ABCD2: variants seen among roughly 807,000 people sequenced by gnomAD.
ABCD2 encodes ATP-binding cassette sub-family D member 2.
In ABCD2, 36 loss-of-function variants were observed where a neutral mutation model predicts 70.9. That is an observed-to-expected ratio of 0.51 (90% confidence interval 0.39 to 0.67). The LOEUF (loss-of-function observed/expected upper bound fraction) is 0.67, where lower values mean the gene tolerates loss of function less well. Ranked by LOEUF, ABCD2 falls within the 30% of genes least tolerant of loss-of-function variation. The probability of loss-of-function intolerance (pLI) is 0.00; values close to 1 mark genes in which losing one functional copy is unlikely to be tolerated. For synonymous variants in ABCD2, 304 were observed against 306.9 expected, an observed-to-expected ratio of 0.99 and a Z score of 0.10; for missense variants, 729 against 890.2, an observed-to-expected ratio of 0.82 and a Z score of 2.30.
downstream of ABCD2, among the ~76,000 whole-genome samples, chr12:39,547,093 C>T (rs1591958538): frequency 6.6e-6 from 1 of 151,888 alleles, no homozygotes; most frequent in Non-Finnish European, 1.5e-5. Context: ...AAAGGATGCT[C>T]AATATCACTA....
chr12:39,590,196 A>C (rs1483861255), intron 6 of ABCD2, among the ~76,000 whole-genome samples: 4 of 152,210 alleles, frequency 2.6e-5, no homozygotes, highest in Non-Finnish European at 5.9e-5. Context: ...ATAGATAAGC[A>C]CTCAAAGTAC....
At chr12:39,602,924 T>G (rs1197069370) in intron 5 of ABCD2, among the ~76,000 whole-genome samples, 2 of 152,172 alleles carry the variant, frequency 1.3e-5, no homozygotes, top group Non-Finnish European at 2.9e-5. Context: ...TTAAATACTC[T>G]GTGTATGCCA....
chr12:39,617,961 A>C (rs1942139655), intron 1 of ABCD2, among the ~76,000 whole-genome samples: 1 of 151,478 alleles, frequency 6.6e-6, no homozygotes, highest in African/African-American at 2.4e-5. Flanking sequence ...AATGTTGAAA[A>C]TCTTTAATAA....
intron 9 of ABCD2, among the ~76,000 whole-genome samples, chr12:39,564,153 T>C (rs1424984643): frequency 2.6e-5 from 4 of 152,352 alleles, no homozygotes; most frequent in Non-Finnish European, 5.9e-5. Flanking sequence ...AGTAATGGGA[T>C]GGCTGGGTCA....
intron 6 of ABCD2, among the ~76,000 whole-genome samples, chr12:39,587,417 A>ATGTC (rs111657596): frequency 3.8e-4 from 58 of 152,328 alleles, no homozygotes; most frequent in African/African-American, 1.3e-3. Context: ...ATTATGCCTG[A>ATGTC]TGTCTACCCA....
chr12:39,581,804 C>T (rs1441130344), intron 7 of ABCD2, among the ~76,000 whole-genome samples: 1 of 152,194 alleles, frequency 6.6e-6, no homozygotes, highest in Non-Finnish European at 1.5e-5. Context: ...ATTGCATGAT[C>T]ACGGAACACA....
chr12:39,583,115 C>T (rs902806603), intron 7 of ABCD2, among the ~76,000 whole-genome samples: 1 of 152,180 alleles, frequency 6.6e-6, no homozygotes, highest in African/African-American at 2.4e-5. Context: ...CCTCCTCGGC[C>T]TCCCAAAGTG....
intron 6 of ABCD2, among the ~76,000 whole-genome samples, chr12:39,597,355 A>G (rs1477514508): frequency 6.6e-6 from 1 of 152,204 alleles, no homozygotes; most frequent in Non-Finnish European, 1.5e-5. Context: ...ATAAACAAGT[A>G]AAAGGGTGGG....
chr12:39,611,778 T>C (rs1942048040), intron 2 of ABCD2, among the ~76,000 whole-genome samples: 1 of 151,912 alleles, frequency 6.6e-6, no homozygotes, highest in Non-Finnish European at 1.5e-5. Context: ...GGTGGGAAAA[T>C]ATATTTGAGA....
At chr12:39,548,118 G>A (rs1243531958), downstream of ABCD2, among the ~76,000 whole-genome samples, 1 of 152,020 alleles carries the variant, frequency 6.6e-6, no homozygotes. Context: ...TGCACTGCTA[G>A]GCAGCATCAG....
At chr12:39,549,480 G>C (rs993981453), downstream of ABCD2, among the ~76,000 whole-genome samples, 15 of 151,828 alleles carry the variant, frequency 9.9e-5, no homozygotes, top group Non-Finnish European at 1.9e-4. Context: ...ACATGGAAGT[G>C]TCAACAAGTA....
At chr12:39,583,449 C>G (rs1018771272) in intron 7 of ABCD2, among the ~76,000 whole-genome samples, 7 of 152,038 alleles carry the variant, frequency 4.6e-5, no homozygotes, top group African/African-American at 1.7e-4. Flanking sequence ...AGTCATTTTT[C>G]TAAACTATCA....
intron 2 of ABCD2, among the ~76,000 whole-genome samples, chr12:39,608,610 C>A (rs1350380160): frequency 6.6e-6 from 1 of 152,090 alleles, no homozygotes; most frequent in Non-Finnish European, 1.5e-5. Context: ...ATCGCTTGAA[C>A]CCAGGAGGTG....
chr12:39,593,452 A>G (rs745940882), intron 6 of ABCD2, among the ~76,000 whole-genome samples: 127 of 152,192 alleles, frequency 8.3e-4, no homozygotes, highest in African/African-American at 3.0e-3. Context: ...GGGTCCCCCT[A>G]TGTTGCCAGG....
intron 8 of ABCD2, among the ~76,000 whole-genome samples, chr12:39,576,539 C>T (rs1323212264): frequency 6.6e-6 from 1 of 152,132 alleles, no homozygotes; most frequent in Non-Finnish European, 1.5e-5. Flanking sequence ...CTAAAAATCC[C>T]AAATTAGCAA....
chr12:39,553,981 A>C lies in ABCD2; in HGVS notation c.2154T>G (p.Asn718Lys), dbSNP rs1385068742. 4 of 1,613,236 alleles carry C rather than the reference A, an allele frequency of 2.5e-6. No individual in the cohort carries two copies. The highest frequency in any genetic ancestry group is 3.4e-6 in the Non-Finnish European group (4 of 1,179,814). The change falls in exon 10 of 10, where the codon AAT becomes AAG. Residue 718 changes from asparagine to lysine, a missense_variant. Asn to Lys is a moderately conservative substitution (Grantham distance 94). Around this residue, in one of 3 missense-constraint regions of ABCD2, gnomAD observed 289 missense variants for 328.8 expected, o/e 0.88. Coordinates refer to ENST00000308666, the MANE Select transcript of ABCD2 (RefSeq NM_005164.4). ...CTTCTCCCAAAATTTTACATAGTTC[A>C]TTGAGTCTCTGCTGCATTTTGGGAA... is the stretch of plus-strand genomic sequence containing the variant. ...AGIPKMQQRLNELCKILGEDS... is the reference protein window; with the variant it reads ...AGIPKMQQRLKELCKILGEDS...
At chr12:39,616,337 AT>A (rs976039159) in intron 2 of ABCD2, among the ~76,000 whole-genome samples, 4 of 152,272 alleles carry the variant, frequency 2.6e-5, no homozygotes, top group African/African-American at 9.6e-5. Context: ...ATTCCAAAGA[AT>A]AAAAACTGTT....
At position 39,610,294 on chromosome 12, in the gene ABCD2, T is replaced by C. The variant is rs1248521245; in HGVS notation, c.1121-2580A>G. On this transcript the variant is annotated intron_variant, in intron 2 of 9. Transcript: ENST00000308666. ...ATGTGTCCTCTCCTAGCCTTACTGA[T>C]AATCACTCCTCTAGAGAACTACTGT... 2.6e-5 allele frequency among the ~76,000 whole-genome samples: 4 copies of C among 152,188 alleles called. No individual in the cohort carries two copies. In the South Asian group the frequency reaches 8.3e-4, roughly 31 times the overall value.
the ABCD2 span, among the ~76,000 whole-genome samples, chr12:39,536,202 G>A: frequency 6.6e-6 from 1 of 152,156 alleles, no homozygotes; most frequent in East Asian, 1.9e-4. Flanking sequence ...TATACACAGA[G>A]GCCATGTGTC....
Sources: gnomAD v4.1 joint callset for allele counts (sites outside exome capture counted in the v4.1 genomes callset) on GRCh38, gnomAD v4.1.1 for gene constraint, gnomAD v4.1.1 regional missense constraint, MANE v1.5 for transcripts, NCBI Gene and HGNC (gene_info 2026-07-23, HGNC 2026-07-21) for gene names.